ITCH: variants seen among roughly 807,000 people sequenced by gnomAD.
ITCH encodes the protein itchy E3 ubiquitin protein ligase.
A neutral mutation model predicts 126.8 loss-of-function variants in ITCH; 28 were observed. That is an observed-to-expected ratio of 0.22 (90% CI 0.16 to 0.30). The LOEUF (loss-of-function observed/expected upper bound fraction) is 0.30, where lower values mean the gene tolerates loss of function less well. Ranked by LOEUF, ITCH falls within the 10% of genes least tolerant of loss-of-function variation. ITCH has a pLI of 1.00. For synonymous variants in ITCH, 342 were observed against 340.0 expected (o/e 1.01, Z -0.06); for missense variants, 631 against 1,032.4 (o/e 0.61, Z 5.33).
intron 10 of ITCH, among the ~76,000 whole-genome samples, chr20:34,442,514 T>C (rs1983880375): frequency 6.6e-6 from 1 of 152,172 alleles, no homozygotes; most frequent in Non-Finnish European, 1.5e-5. Context: ...CGCATATTTC[T>C]TTCTTCTTTT....
intron 23 of ITCH, among the ~76,000 whole-genome samples, chr20:34,499,710 T>TAA (rs1990133107): frequency 6.6e-6 from 1 of 152,132 alleles, no homozygotes; most frequent in South Asian, 2.1e-4. Context: ...TGATCTTTAT[T>TAA]ATTTCTTTCC....
intron 2 of ITCH, among the ~76,000 whole-genome samples, chr20:34,383,101 G>T (rs2038130547): frequency 6.6e-6 from 1 of 152,054 alleles, no homozygotes; most frequent in Non-Finnish European, 1.5e-5. Context: ...GAATGCAGTG[G>T]CATGATCATG....
At chr20:34,467,970 T>G (rs1257717950) in intron 14 of ITCH, among the ~76,000 whole-genome samples, 1 of 152,020 alleles carries the variant, frequency 6.6e-6, no homozygotes, top group Non-Finnish European at 1.5e-5. Flanking sequence ...ATACGATAAT[T>G]TCAGGAAAAG....
Position 34,371,167 on chromosome 20 carries a change from CAAAAAAAA to C in ITCH, c.-22+1709_-22+1716del, listed in dbSNP as rs1213462396. ...TGGGCAACAGAGCCAGACTCCGTCT[CAAAAAAAA>C]AAAAAAAAAAACTGAATAGGAAGAT... On this transcript the variant is annotated intron_variant, in intron 2 of 24. Transcript: ENST00000374864. Among the ~76,000 whole-genome samples, 3 of 58,608 alleles carry C rather than the reference CAAAAAAAA, an allele frequency of 5.1e-5. No homozygotes were observed. The South Asian group carries it at 1.8e-3, about 34-fold the overall frequency. 38.4% of individuals were successfully genotyped at this position (58,608 alleles called of 152,430 possible).
intron 6 of ITCH, among the ~76,000 whole-genome samples, chr20:34,418,772 TTTTTG>T: frequency 6.7e-6 from 1 of 149,402 alleles, no homozygotes; most frequent in South Asian, 2.1e-4. Flanking sequence ...TTTTTTTTTT[TTTTTG>T]TGAGACGGGG....
At chr20:34,493,710 C>A (rs1388836004) in intron 23 of ITCH, among the ~76,000 whole-genome samples, 1 of 152,136 alleles carries the variant, frequency 6.6e-6, no homozygotes, top group African/African-American at 2.4e-5. Flanking sequence ...CAGCTTAGAA[C>A]CTGCTGAATT....
chr20:34,442,378 A>C, intron 10 of ITCH, 75 bp downstream of exon 10: 2 of 1,093,968 alleles, frequency 1.8e-6, no homozygotes, highest in Middle Eastern at 2.6e-4. Flanking sequence ...TCTTCCCTAC[A>C]TTTCTGTTTT....
intron 23 of ITCH, among the ~76,000 whole-genome samples, 160 bp from the exon 24 acceptor site, chr20:34,504,167 CACCA>C (rs1990471962): frequency 6.6e-6 from 1 of 152,102 alleles, no homozygotes; most frequent in South Asian, 2.1e-4. Flanking sequence ...AGACATGAGC[CACCA>C]CACCTAACCC....
In ITCH at chr20:34,438,581, C is replaced by T; in HGVS notation, c.629C>T (p.Ser210Phe). The T allele has an allele frequency of 6.2e-7, 1 of 1,614,064 alleles. No homozygotes were observed. The highest frequency in any genetic ancestry group is 2.2e-5 in the East Asian group (1 of 44,878). Residue 210 changes from serine to phenylalanine, a missense_variant, in exon 8 of 25, where the codon TCT (serine) becomes TTT (phenylalanine). Ser to Phe is a radical substitution (Grantham distance 155). Transcript: ENST00000374864. ...PSLSNGGFKP[S>F]RPPRPSRPPP... ...CTCTCAAATGGTGGTTTTAAACCTTCTAGACCTCCAAGACCTTCACGACCA... is the reference window on the plus strand; with the variant it reads ...CTCTCAAATGGTGGTTTTAAACCTTTTAGACCTCCAAGACCTTCACGACCA...
intron 23 of ITCH, among the ~76,000 whole-genome samples, chr20:34,495,556 G>C (rs1200258269): frequency 6.6e-6 from 1 of 151,604 alleles, no homozygotes; most frequent in Admixed American, 6.6e-5. Context: ...TTTTGTGCTT[G>C]GCTTATGTCA....
chr20:34,407,432 A>G (rs1277546850), intron 3 of ITCH, among the ~76,000 whole-genome samples: 1 of 151,936 alleles, frequency 6.6e-6, no homozygotes, highest in Non-Finnish European at 1.5e-5. Flanking sequence ...ACACCTGGCT[A>G]AGTTTTGAAA....
intron 3 of ITCH, among the ~76,000 whole-genome samples, chr20:34,406,190 ATT>A (rs1294314417): frequency 6.6e-6 from 1 of 150,576 alleles, no homozygotes; most frequent in Non-Finnish European, 1.5e-5. Context: ...TGCCTGGCTA[ATT>A]TTTAAAATTA....
At chr20:34,464,975 G>A (rs1986915969) in intron 14 of ITCH, among the ~76,000 whole-genome samples, 2 of 152,274 alleles carry the variant, frequency 1.3e-5, no homozygotes, top group South Asian at 2.1e-4. Flanking sequence ...CTCCCAAAGA[G>A]TAGGGATTAC....
chr20:34,493,685 G>T (rs78882575), intron 23 of ITCH, among the ~76,000 whole-genome samples: 5,369 of 152,276 alleles, frequency 0.035, 117 homozygotes, highest in Middle Eastern at 0.068. Flanking sequence ...GTAGATGTTG[G>T]GGGAGGATGC....
intron 8 of ITCH, 127 bp downstream of exon 8, chr20:34,438,758 A>G: frequency 7.9e-7 from 1 of 1,271,810 alleles, no homozygotes; most frequent in Admixed American, 1.8e-5. Flanking sequence ...GATTTTGGAA[A>G]AGAATGATCT....
rs115439888 is a variant in ITCH at position 34,370,226 on chromosome 20, T to C, written c.-22+756T>C. Among the ~76,000 whole-genome samples the C allele has an allele frequency of 8.0e-3, 1,222 of 152,306 alleles. 20 individuals are homozygous for C. Among genetic ancestry groups the C allele is most frequent in the African/African-American group, 0.028 (1,172 of 41,574 alleles). ...AAGCTGTGTGACTTTCGGCGAGTTA[T>C]TTAATCTTGCCAGACCTCAGTTTAT... On this transcript the variant is annotated intron_variant, in intron 2 of 24. Coordinates refer to ENST00000374864, the MANE Select transcript of ITCH (RefSeq NM_031483.7).
chr20:34,509,595 C>T lies in ITCH; in HGVS notation c.*1801C>T, dbSNP rs992182549. The T allele has an allele frequency of 1.8e-4, 27 of 152,606 alleles. No individual in the cohort carries two copies. Among genetic ancestry groups the T allele is most frequent in the Non-Finnish European group, 3.2e-4 (22 of 68,032 alleles). 9.5% of individuals were successfully genotyped at this position (152,606 alleles called of 1,614,324 possible). On this transcript the variant is annotated 3_prime_UTR_variant, in exon 25 of 25. Coordinates refer to ENST00000374864, the MANE Select transcript of ITCH (RefSeq NM_031483.7). Reference sequence around the variant, plus strand: ...TCAGTGTAAATGGGGAGGCTAGGCTCTCCCCAGCCCTATGGTTTTTTTATT... The same window carrying T: ...TCAGTGTAAATGGGGAGGCTAGGCTTTCCCCAGCCCTATGGTTTTTTTATT...
At chr20:34,471,715 T>TGTGTGTG (rs1568979002) in intron 16 of ITCH, among the ~76,000 whole-genome samples, 200 bp downstream of exon 16, 3 of 146,834 alleles carry the variant, frequency 2.0e-5, no homozygotes, top group South Asian at 2.2e-4. Flanking sequence ...TGTGTGTGTG[T>TGTGTGTG]TTCAGGTTTC....
At chr20:34,438,106 A>G (rs144768659) in intron 7 of ITCH, among the ~76,000 whole-genome samples, 2 of 152,326 alleles carry the variant, frequency 1.3e-5, no homozygotes, top group East Asian at 3.9e-4. Flanking sequence ...ACAATGGTAA[A>G]GTTATCTGTG....
Sources: gnomAD v4.1 joint callset for allele counts (sites outside exome capture counted in the v4.1 genomes callset) on GRCh38, gnomAD v4.1.1 for gene constraint, MANE v1.5 for transcripts, NCBI Gene and HGNC (gene_info 2026-07-23, HGNC 2026-07-21) for gene names.